The following LRRC4C variants were observed in gnomAD, a reference collection of about 807,000 sequenced individuals.
LRRC4C encodes the protein leucine-rich repeat-containing protein 4C.
LRRC4C carries 5 observed loss-of-function variants against 33.6 expected under a neutral mutation model. That is an observed-to-expected ratio of 0.15 (90% CI 0.08 to 0.31). The LOEUF (loss-of-function observed/expected upper bound fraction) is 0.31. Ranked by LOEUF, LRRC4C falls within the 10% of genes least tolerant of loss-of-function variation. The pLI is 1.00. For missense variants in LRRC4C, 560 were observed against 796.7 expected (o/e 0.70, Z 3.58); for synonymous variants, 329 against 302.0 (o/e 1.09, Z -0.93).
chr11:40,485,838 A>G (rs1953832893), intron 3 of LRRC4C, among the ~76,000 whole-genome samples: 1 of 152,090 alleles, frequency 6.6e-6, no homozygotes, highest in Admixed American at 6.6e-5. Context: ...GAATGAGATC[A>G]TGCCCTTTGC....
At chr11:40,603,193 A>T (rs1011647447) in intron 3 of LRRC4C, among the ~76,000 whole-genome samples, 1 of 152,182 alleles carries the variant, frequency 6.6e-6, no homozygotes, top group Non-Finnish European at 1.5e-5. Flanking sequence ...TTATGGTAAC[A>T]TCAAACCACT....
At chr11:40,910,339 A>G (rs1490598983) in intron 2 of LRRC4C, among the ~76,000 whole-genome samples, 1 of 152,228 alleles carries the variant, frequency 6.6e-6, no homozygotes, top group Non-Finnish European at 1.5e-5. Flanking sequence ...AGGAAGTAGG[A>G]AGACTTCTAT....
chr11:40,948,978 C>G (rs1958560429), intron 1 of LRRC4C, among the ~76,000 whole-genome samples: 1 of 151,982 alleles, frequency 6.6e-6, no homozygotes, highest in Non-Finnish European at 1.5e-5. Flanking sequence ...GTTTACAGTC[C>G]CACCAACAGT....
At chr11:41,242,420 G>C (rs1233545631) in intron 1 of LRRC4C, among the ~76,000 whole-genome samples, 2 of 152,104 alleles carry the variant, frequency 1.3e-5, no homozygotes, top group East Asian at 3.9e-4. Context: ...GGGTCAGCAG[G>C]TCCATCTGTG....
chr11:40,739,876 A>G (rs1948077832), intron 2 of LRRC4C, among the ~76,000 whole-genome samples: 1 of 151,922 alleles, frequency 6.6e-6, no homozygotes, highest in Admixed American at 6.6e-5. Context: ...GCAGTGTGAG[A>G]AAAGACTAAT....
chr11:40,505,849 C>T (rs116560798), intron 3 of LRRC4C, among the ~76,000 whole-genome samples: 1 of 151,990 alleles, frequency 6.6e-6, no homozygotes, highest in Non-Finnish European at 1.5e-5. Context: ...ACATTCTGAC[C>T]CCATTTTCTT....
chr11:41,005,505 G>A (rs1854681258), intron 1 of LRRC4C, among the ~76,000 whole-genome samples: 1 of 152,168 alleles, frequency 6.6e-6, no homozygotes, highest in African/African-American at 2.4e-5. Context: ...TCGGGAGGCT[G>A]AGGCAAGAGA....
intron 3 of LRRC4C, among the ~76,000 whole-genome samples, chr11:40,405,733 AC>A (rs926988049): frequency 1.4e-5 from 2 of 147,868 alleles, no homozygotes; most frequent in Non-Finnish European, 3.0e-5. Flanking sequence ...GTTTTGAGAA[AC>A]TTTTTGTAAG....
At chr11:40,132,676 A>C (rs1856725624) in intron 6 of LRRC4C, among the ~76,000 whole-genome samples, 1 of 152,312 alleles carries the variant, frequency 6.6e-6, no homozygotes, top group Admixed American at 6.5e-5. Context: ...GTGGAAAAAC[A>C]ACCATATAAA....
At chr11:40,333,685 C>T (rs564312850) in intron 3 of LRRC4C, among the ~76,000 whole-genome samples, 101 of 145,964 alleles carry the variant, frequency 6.9e-4, no homozygotes, top group Admixed American at 2.4e-3. Context: ...CCATTGCACT[C>T]CAGCCAGTGG....
intron 3 of LRRC4C, among the ~76,000 whole-genome samples, chr11:40,642,106 C>T (rs72892782): frequency 0.13 from 20,075 of 150,994 alleles, 1,535 homozygotes; most frequent in Non-Finnish European, 0.18. Context: ...GACCCAAAGA[C>T]TACCAGTCTC....
chr11:40,775,826 G>A (rs1016063170), intron 2 of LRRC4C, among the ~76,000 whole-genome samples: 7 of 152,156 alleles, frequency 4.6e-5, no homozygotes, highest in African/African-American at 1.7e-4. Context: ...AACAGGAATG[G>A]TGAGAATAAA....
At chr11:40,134,654 G>A (rs1856852276) in intron 6 of LRRC4C, among the ~76,000 whole-genome samples, 1 of 152,140 alleles carries the variant, frequency 6.6e-6, no homozygotes, top group Non-Finnish European at 1.5e-5. Flanking sequence ...CCTGGGTTAG[G>A]CTCTGACTTT....
At chr11:40,291,968 T>A (rs1166043739) in intron 4 of LRRC4C, among the ~76,000 whole-genome samples, 1 of 151,088 alleles carries the variant, frequency 6.6e-6, no homozygotes, top group African/African-American at 2.4e-5. Context: ...TGCAAAGGCG[T>A]CTGCCCAGGA....
chr11:40,194,785 G>C (rs1862119149), intron 5 of LRRC4C, among the ~76,000 whole-genome samples: 1 of 152,100 alleles, frequency 6.6e-6, no homozygotes, highest in Non-Finnish European at 1.5e-5. Flanking sequence ...AAAATCTATA[G>C]ATTATTAAAG....
intron 1 of LRRC4C, among the ~76,000 whole-genome samples, chr11:41,323,845 C>G (rs1951028262): frequency 6.6e-6 from 1 of 152,064 alleles, no homozygotes; most frequent in African/African-American, 2.4e-5. Flanking sequence ...AGGCAAATAT[C>G]AAAGCAAGTA....
At position 40,710,246 on chromosome 11, in the gene LRRC4C, C is replaced by T. The variant is rs567271785; in HGVS notation, c.-406-61968G>A. ...TTTGTTCCGTTGTTGGCGAGGAGCT[C>T]GGATCCTTTGGAGGAGATGGGACTC... On this transcript the variant is annotated intron_variant, in intron 2 of 6. Transcript: ENST00000528697. 1.5e-3 allele frequency among the ~76,000 whole-genome samples: 234 copies of T among 152,264 alleles called. 1 individual carries two copies. Among genetic ancestry groups the T allele is most frequent in the African/African-American group, 5.4e-3 (226 of 41,562 alleles).
intron 1 of LRRC4C, among the ~76,000 whole-genome samples, chr11:41,380,170 G>A (rs1257019879): frequency 6.6e-6 from 1 of 152,142 alleles, no homozygotes; most frequent in Non-Finnish European, 1.5e-5. Context: ...TAAAATTTGA[G>A]CCCCGTGAAC....
At chr11:40,477,177 T>C (rs1472373703) in intron 3 of LRRC4C, among the ~76,000 whole-genome samples, 1 of 152,212 alleles carries the variant, frequency 6.6e-6, no homozygotes, top group Non-Finnish European at 1.5e-5. Flanking sequence ...CTGGGTGCCA[T>C]TGAAGGCCCC....
Sources: allele counts gnomAD v4.1 joint callset (sites outside exome capture counted in the v4.1 genomes callset), GRCh38; gene constraint gnomAD v4.1.1; transcripts MANE v1.5; gene names NCBI Gene and HGNC (gene_info 2026-07-23, HGNC 2026-07-21).